SLC5A7: variants seen among roughly 807,000 people sequenced by gnomAD.
SLC5A7 encodes high affinity choline transporter 1.
Under a neutral mutation model 55.4 loss-of-function variants are expected in SLC5A7, and 19 were observed. The ratio of observed to expected loss-of-function variants is 0.34; its 90% CI spans 0.24 to 0.50. SLC5A7 has a LOEUF of 0.50. Ranked by LOEUF, SLC5A7 falls within the 20% of genes least tolerant of loss-of-function variation. SLC5A7 has a pLI of 0.98. For missense variants in SLC5A7, 506 were observed against 705.3 expected, an observed-to-expected ratio of 0.72 and a Z score of 3.20; for synonymous variants, 265 against 263.7, an observed-to-expected ratio of 1.00 and a Z score of -0.05.
At chr2:107,997,609 T>G (rs1677717090) in intron 4 of SLC5A7, among the ~76,000 whole-genome samples, 1 of 152,198 alleles carries the variant, frequency 6.6e-6, no homozygotes, top group Non-Finnish European at 1.5e-5. Flanking sequence ...GTCCTCCAAA[T>G]AAATAAGTTA....
At chr2:107,997,472 G>C (rs1328342895) in intron 4 of SLC5A7, among the ~76,000 whole-genome samples, 2 of 152,142 alleles carry the variant, frequency 1.3e-5, no homozygotes, top group Non-Finnish European at 2.9e-5. Flanking sequence ...ATCCCTATTG[G>C]TAAGCAACAC....
At position 108,012,932 on chromosome 2, in the gene SLC5A7, T is replaced by A. The variant is rs552446022; in HGVS notation, c.*2071T>A. On this transcript the variant is annotated 3_prime_UTR_variant, in exon 9 of 9. Transcript: ENST00000264047. ...CATGCTACCCAGCATGCTACCTGAA[T>A]GGCGGTTTTTATCCATCCTGTCACC... The A allele has an allele frequency of 6.6e-6, 1 of 152,156 alleles. No homozygotes were observed. The highest frequency in any genetic ancestry group is 1.5e-5 in the Non-Finnish European group (1 of 68,012). 9.4% of individuals were successfully genotyped at this position (152,156 alleles called of 1,614,324 possible). A position where few individuals can be genotyped will look rare whatever the true frequency, so the allele number is the denominator to read the frequency against.
intron 5 of SLC5A7, 96 bp downstream of exon 5, chr2:107,998,082 C>A: frequency 8.0e-7 from 1 of 1,253,752 alleles, no homozygotes. Context: ...TATTATTTTC[C>A]CTCATGAGTA....
Position 107,993,213 on chromosome 2 carries a change from C to T in SLC5A7, c.448+86C>T, listed in dbSNP as rs1351315594. On this transcript the variant is annotated intron_variant, in intron 4 of 8. Transcript: ENST00000264047. Reference sequence around the variant, plus strand: ...ACCTTACTTTCCTCAGCCTTGGCTTCTGAGGACATTTTTATTAAAACCATA... The same window carrying T: ...ACCTTACTTTCCTCAGCCTTGGCTTTTGAGGACATTTTTATTAAAACCATA... 5.5e-6 allele frequency: 8 copies of T among 1,450,254 alleles called. No homozygotes were observed. In the East Asian group the frequency reaches 1.6e-4, roughly 29 times the overall value. 89.8% of individuals were successfully genotyped at this position (1,450,254 alleles called of 1,614,324 possible).
intron 7 of SLC5A7, among the ~76,000 whole-genome samples, chr2:108,007,730 T>G (rs1418471835): frequency 6.6e-6 from 1 of 152,152 alleles, no homozygotes; most frequent in African/African-American, 2.4e-5. Flanking sequence ...TTTGGTCCAA[T>G]GATCATGATA....
At position 107,992,191 on chromosome 2, in the gene SLC5A7, A is replaced by G. The variant is rs1291489693; in HGVS notation, c.264A>G (p.Pro88=). The change falls in exon 3 of 9, where the codon CCA becomes CCG. Residue 88 remains proline, a synonymous_variant. Transcript: ENST00000264047. The part of the protein sequence containing the change: ...PGYGLAWAQA[P]IGYSLSLILG... Reference sequence around the variant, plus strand: ...ATGGCCTAGCTTGGGCTCAGGCACCAATTGGATATTCTCTTAGTCTGATTT... The same window carrying G: ...ATGGCCTAGCTTGGGCTCAGGCACCGATTGGATATTCTCTTAGTCTGATTT... The G allele has an allele frequency of 6.2e-7, 1 of 1,613,434 alleles. No individual in the cohort carries two copies. The highest frequency in any genetic ancestry group is 8.5e-7 in the Non-Finnish European group (1 of 1,179,512).
chr2:108,006,270 T>C (rs1678119045), intron 7 of SLC5A7, 68 bp downstream of exon 7: 19 of 1,564,684 alleles, frequency 1.2e-5, no homozygotes, highest in Non-Finnish European at 1.7e-5. Context: ...CACCCTTCTG[T>C]CCCACTCCCC....
At chr2:107,991,346 C>T (rs951355848) in intron 2 of SLC5A7, among the ~76,000 whole-genome samples, 1 of 152,136 alleles carries the variant, frequency 6.6e-6, no homozygotes, top group Admixed American at 6.5e-5. Flanking sequence ...AGTATGTATG[C>T]AGTTCACATT....
In SLC5A7 at chr2:108,012,173, G is replaced by GTGTGTA. The variant is rs1678356455; in HGVS notation, c.*1318_*1323dup. 1 of 152,400 alleles carries GTGTGTA rather than the reference G, an allele frequency of 6.6e-6. No homozygotes were observed. Among genetic ancestry groups the GTGTGTA allele is most frequent in the East Asian group, 1.9e-4 (1 of 5,170 alleles). The allele number at this position is 152,400 out of a possible 1,614,324, so 9.4% of individuals were successfully genotyped here. The stretch of plus-strand genomic sequence containing the variant: ...CACATACACACTCATACGTGTGTGT[G>GTGTGTA]TGTGTATGTGTGTGTGTGTATGTGT... On this transcript the variant is annotated 3_prime_UTR_variant, in exon 9 of 9. Transcript: ENST00000264047.
chr2:107,993,165 G>A, intron 4 of SLC5A7, 38 bp downstream of exon 4: 1 of 1,610,520 alleles, frequency 6.2e-7, no homozygotes, highest in African/African-American at 1.3e-5. Flanking sequence ...CATCTTTGTA[G>A]TTAACTAAAC....
In SLC5A7 at chr2:107,986,746, G is replaced by C. The variant is rs903922411; in HGVS notation, c.-69G>C. 1 of 152,400 alleles carries C rather than the reference G, an allele frequency of 6.6e-6. No individual in the cohort carries two copies. The highest frequency in any genetic ancestry group is 2.4e-5 in the African/African-American group (1 of 41,428). 9.4% of individuals were successfully genotyped at this position (152,400 alleles called of 1,614,324 possible). A position where few individuals can be genotyped will look rare whatever the true frequency, so the allele number is the denominator to read the frequency against. ...GCGGCCCCGGGCGGAGCGCTTTCGC[G>C]TGCAGCCACCACTCCAGGTAGGAGC... On this transcript the variant is annotated 5_prime_UTR_variant, in exon 1 of 9. Coordinates refer to ENST00000264047, the MANE Select transcript of SLC5A7 (RefSeq NM_021815.5).
Position 108,008,649 on chromosome 2 carries a change from A to C in SLC5A7, c.1080A>C (p.Ala360=). 1 of 1,613,352 alleles carries C rather than the reference A, an allele frequency of 6.2e-7. No homozygotes were observed. Among genetic ancestry groups the C allele is most frequent in the Non-Finnish European group, 8.5e-7 (1 of 1,179,794 alleles). Reference sequence around the variant, plus strand: ...TCTTGTCAGCAAGTTCCATGTTTGCACGGAACATCTACCAGCTTTCCTTCA... The same window carrying C: ...TCTTGTCAGCAAGTTCCATGTTTGCCCGGAACATCTACCAGCTTTCCTTCA... ...SSILSASSMF[A]RNIYQLSFRQ... is the part of the protein sequence containing the mutation. Residue 360 remains alanine, a synonymous_variant, in exon 8 of 9, where the codon GCA becomes GCC. Transcript: ENST00000264047.
intron 5 of SLC5A7, among the ~76,000 whole-genome samples, chr2:107,999,837 T>C (rs1425676576): frequency 2.0e-5 from 3 of 152,180 alleles, no homozygotes; most frequent in African/African-American, 2.4e-5. Flanking sequence ...TTAGTACCGA[T>C]ATTTTTTCAT....
chr2:107,993,648 C>T (rs1375052483), intron 4 of SLC5A7, among the ~76,000 whole-genome samples: 1 of 152,148 alleles, frequency 6.6e-6, no homozygotes, highest in Non-Finnish European at 1.5e-5. Flanking sequence ...TGTTAATTGG[C>T]ATAAACACAG....
chr2:108,007,163 G>A (rs968762212), intron 7 of SLC5A7, among the ~76,000 whole-genome samples: 1 of 152,054 alleles, frequency 6.6e-6, no homozygotes, highest in Non-Finnish European at 1.5e-5. Flanking sequence ...AAATTCAAAG[G>A]CATCTTCTAC....
intron 7 of SLC5A7, among the ~76,000 whole-genome samples, chr2:108,006,518 C>G (rs181771054): frequency 6.6e-6 from 1 of 151,894 alleles, no homozygotes; most frequent in African/African-American, 2.4e-5. Context: ...CTGCGCCCAG[C>G]CTCCAATTTT....
chr2:108,009,470 C>T (rs914259475), intron 8 of SLC5A7, among the ~76,000 whole-genome samples: 2 of 151,976 alleles, frequency 1.3e-5, no homozygotes, highest in Admixed American at 6.6e-5. Flanking sequence ...CCACCCCCCA[C>T]GCCCCCCAAC....
In SLC5A7 at chr2:108,010,947, T is replaced by C. The variant is rs1459865419; in HGVS notation, c.*86T>C. On this transcript the variant is annotated 3_prime_UTR_variant, in exon 9 of 9. Transcript: ENST00000264047. ...AGATGGTATGCAGCATACAAAAATATATTAAAAATATAAACAATGTTCAGG... is the reference window on the plus strand; with the variant it reads ...AGATGGTATGCAGCATACAAAAATACATTAAAAATATAAACAATGTTCAGG... The C allele has an allele frequency of 7.7e-7, 1 of 1,303,530 alleles. No individual in the cohort carries two copies. Among genetic ancestry groups the C allele is most frequent in the African/African-American group, 1.5e-5 (1 of 66,776 alleles). The allele number at this position is 1,303,530 out of a possible 1,614,324, so 80.7% of individuals were successfully genotyped here. A position where few individuals can be genotyped will look rare whatever the true frequency, so the allele number is the denominator to read the frequency against.
chr2:108,009,253 T>C (rs1463892844), intron 8 of SLC5A7, among the ~76,000 whole-genome samples: 2 of 152,300 alleles, frequency 1.3e-5, no homozygotes, highest in Admixed American at 1.3e-4. Context: ...CCAGTGTTTT[T>C]GCTTTTGCTT....
Sources: allele counts gnomAD v4.1 joint callset (sites outside exome capture counted in the v4.1 genomes callset), GRCh38; gene constraint gnomAD v4.1.1; transcripts MANE v1.5; gene names NCBI Gene and HGNC (gene_info 2026-07-23, HGNC 2026-07-21).